The following PRDX4 variants were observed in gnomAD, a reference collection of about 807,000 sequenced individuals.
PRDX4 encodes peroxiredoxin-4.
In PRDX4, 12 loss-of-function variants were observed where a neutral mutation model predicts 20.5. That is an observed-to-expected ratio of 0.58 (90% CI 0.37 to 0.95). PRDX4 has a LOEUF of 0.95. Ranked by LOEUF, PRDX4 falls within the 40% of genes least tolerant of loss-of-function variation. The pLI is 0.01. For missense variants in PRDX4, 180 were observed against 207.3 expected (o/e 0.87, Z 0.81); for synonymous variants, 99 against 87.5 (o/e 1.13, Z -0.73).
Position 23,671,251 on chromosome X carries a change from T to C in PRDX4, c.242-278T>C, listed in dbSNP as rs1360371582. The C allele has an allele frequency of 5.4e-5, 12 of 222,374 alleles. No homozygotes were observed. In the East Asian group the frequency reaches 1.1e-3, roughly 21 times the overall value. 18.3% of individuals were successfully genotyped at this position (222,374 alleles called of 1,213,427 possible). On this transcript the variant is annotated intron_variant, in intron 1 of 6. Transcript: ENST00000379341. ...GTAGTTGTCAGATTACAACTAGATC[T>C]TGCAGTTTTGAAGTGTTATAGAGCA...
At chrX:23,670,466 ATGT>A (rs1408036293) in intron 1 of PRDX4, among the ~76,000 whole-genome samples, 1 of 111,880 alleles carries the variant, frequency 8.9e-6, no homozygotes, top group East Asian at 2.8e-4. Flanking sequence ...AGAGAAATTC[ATGT>A]TGTTTGTCTC....
intron 1 of PRDX4, among the ~76,000 whole-genome samples, chrX:23,668,857 T>C (rs974401985): frequency 1.8e-5 from 2 of 111,560 alleles, no homozygotes; most frequent in Non-Finnish European, 3.8e-5. Context: ...TTTTGTCCTC[T>C]TAAACATTTA....
rs180925189 is a variant in PRDX4 at position 23,672,571 on chromosome X, G to A, written c.359+925G>A. On this transcript the variant is annotated intron_variant, in intron 2 of 6. Coordinates refer to ENST00000379341, the MANE Select transcript of PRDX4 (RefSeq NM_006406.2). Reference sequence around the variant, plus strand: ...ATTTTATTTTACAAAACACTATTTTGAGTGTTTTTCAAAATTCATGAAAGT... The same window carrying A: ...ATTTTATTTTACAAAACACTATTTTAAGTGTTTTTCAAAATTCATGAAAGT... Among the ~76,000 whole-genome samples, 27 of 111,992 alleles carry A rather than the reference G, an allele frequency of 2.4e-4. No homozygotes were observed. The East Asian group carries it at 7.2e-3, about 30-fold the overall frequency.
At chrX:23,683,782 C>T (rs1440071051) in intron 6 of PRDX4, 77 bp downstream of exon 6, 11 of 882,965 alleles carry the variant, frequency 1.2e-5, no homozygotes, top group South Asian at 9.6e-5. Flanking sequence ...CAGTGGCTCA[C>T]GCCTGTAATC....
At position 23,682,431 on chromosome X, in the gene PRDX4, G is replaced by C; in HGVS notation, c.635G>C (p.Arg212Thr). 1 of 1,178,394 alleles carries C rather than the reference G, an allele frequency of 8.5e-7. No individual in the cohort carries two copies. Among genetic ancestry groups the C allele is most frequent in the East Asian group, 3.1e-5 (1 of 32,146 alleles). Residue 212 changes from arginine to threonine, a missense_variant, in exon 5 of 7, where the codon AGA becomes ACA. By Grantham distance (71) the Arg-to-Thr change is moderately conservative. Coordinates refer to ENST00000379341, the MANE Select transcript of PRDX4 (RefSeq NM_006406.2). ...LFIIDDKGIL[R>T]QITLNDLPVG... The stretch of plus-strand genomic sequence containing the variant: ...ATTATTGATGACAAAGGAATCCTAA[G>C]ACAAATTACTCTGAATGATCTTCCT...
intron 2 of PRDX4, 36 bp from the exon 3 acceptor site, chrX:23,674,954 G>T: frequency 8.4e-7 from 1 of 1,191,888 alleles, no homozygotes. Context: ...TGCTTATTTG[G>T]AGAATACTGA....
Position 23,686,316 on chromosome X carries a change from A to G in PRDX4, c.797A>G (p.Tyr266Cys). ...IIPDPAGKLK[Y>C]FDKLN is the part of the protein sequence containing the mutation. ...CCAGATCCAGCTGGAAAGCTGAAGT[A>G]TTTCGATAAACTGAATTGAGAAATA... The change falls in exon 7 of 7, where the codon TAT becomes TGT. Residue 266 changes from tyrosine (Y) to cysteine (C), a missense_variant. This residue lies in a region of PRDX4 where 73 missense variants were observed against 76.5 expected (regional missense o/e 0.95). Coordinates refer to ENST00000379341, the MANE Select transcript of PRDX4 (RefSeq NM_006406.2). 8.5e-7 allele frequency: 1 copy of G among 1,175,706 alleles called. No homozygotes were observed. Among genetic ancestry groups the G allele is most frequent in the Non-Finnish European group, 1.1e-6 (1 of 875,419 alleles).
In PRDX4 at chrX:23,671,255, A is replaced by G. The variant is rs188357952; in HGVS notation, c.242-274A>G. 6 of 224,500 alleles carry G rather than the reference A, an allele frequency of 2.7e-5. No individual in the cohort carries two copies. The East Asian group carries it at 5.5e-4, about 20-fold the overall frequency. The allele number at this position is 224,500 out of a possible 1,213,427, so 18.5% of individuals were successfully genotyped here. On this transcript the variant is annotated intron_variant, in intron 1 of 6. Transcript: ENST00000379341. Reference sequence around the variant, plus strand: ...TTGTCAGATTACAACTAGATCTTGCAGTTTTGAAGTGTTATAGAGCACATG... The same window carrying G: ...TTGTCAGATTACAACTAGATCTTGCGGTTTTGAAGTGTTATAGAGCACATG...
At chrX:23,682,671 T>C (rs1928094755) in intron 5 of PRDX4, 145 bp downstream of exon 5, 1 of 399,102 alleles carries the variant, frequency 2.5e-6, no homozygotes, top group Non-Finnish European at 3.6e-6. Context: ...GACCAAATTA[T>C]AATTTACAGT....
chrX:23,667,562 C>A lies in PRDX4; in HGVS notation c.-9C>A. ...GCGCCAAGGGACGTGTTTCTGCGCT[C>A]GCGTGGTCATGGAGGCGCTGCCGCT... On this transcript the variant is annotated 5_prime_UTR_variant, in exon 1 of 7. Coordinates refer to ENST00000379341, the MANE Select transcript of PRDX4 (RefSeq NM_006406.2). 1 of 1,177,991 alleles carries A rather than the reference C, an allele frequency of 8.5e-7. No individual in the cohort carries two copies. The highest frequency in any genetic ancestry group is 1.1e-6 in the Non-Finnish European group (1 of 879,153).
At chrX:23,680,107 G>A (rs1199429971) in intron 4 of PRDX4, among the ~76,000 whole-genome samples, 1 of 112,504 alleles carries the variant, frequency 8.9e-6, no homozygotes, top group Non-Finnish European at 1.9e-5. Context: ...TTTAGAGCTG[G>A]AAGATTATTT....
intron 3 of PRDX4, among the ~76,000 whole-genome samples, chrX:23,676,933 G>A (rs1927961817): frequency 9.0e-6 from 1 of 111,120 alleles, no homozygotes; most frequent in Admixed American, 9.7e-5. Flanking sequence ...TTGAACTCCT[G>A]GGCTCCAACA....
At position 23,667,694 on chromosome X, in the gene PRDX4, G is replaced by A; in HGVS notation, c.124G>A (p.Glu42Lys). 3.3e-6 allele frequency: 4 copies of A among 1,211,503 alleles called. No homozygotes were observed. The Admixed American group carries it at 8.7e-5, about 26-fold the overall frequency. Reference sequence around the variant, plus strand: ...AGCTGTGCAGGGCTGGGAGACAGAGGAGAGGCCCCGGACTCGCGAAGAGGA... The same window carrying A: ...AGCTGTGCAGGGCTGGGAGACAGAGAAGAGGCCCCGGACTCGCGAAGAGGA... Reference protein sequence around the residue: ...AGAVQGWETEERPRTREEECH... With the variant: ...AGAVQGWETEKRPRTREEECH... The change falls in exon 1 of 7, where the codon GAG becomes AAG. Residue 42 changes from glutamate (E) to lysine (K), a missense_variant. Coordinates refer to ENST00000379341, the MANE Select transcript of PRDX4 (RefSeq NM_006406.2).
At chrX:23,670,092 T>C (rs1927816391) in intron 1 of PRDX4, among the ~76,000 whole-genome samples, 1 of 111,436 alleles carries the variant, frequency 9.0e-6, no homozygotes, top group African/African-American at 3.3e-5. Context: ...TTCAAGACAA[T>C]TTTTGTTTTT....
intron 4 of PRDX4, among the ~76,000 whole-genome samples, 172 bp from the exon 5 acceptor site, chrX:23,682,224 G>A (rs1283752892): frequency 6.1e-5 from 5 of 81,995 alleles, no homozygotes; most frequent in Non-Finnish European, 1.2e-4. Flanking sequence ...TTGAGGGAGG[G>A]ATGTCCACAG....
At chrX:23,681,816 A>C (rs775729392) in intron 4 of PRDX4, among the ~76,000 whole-genome samples, 1 of 112,178 alleles carries the variant, frequency 8.9e-6, no homozygotes, top group South Asian at 3.7e-4. Flanking sequence ...CGAGGCAGGT[A>C]GATTGCTCAA....
At chrX:23,672,460 C>T (rs776987865) in intron 2 of PRDX4, among the ~76,000 whole-genome samples, 1 of 111,501 alleles carries the variant, frequency 9.0e-6, no homozygotes, top group African/African-American at 3.3e-5. Flanking sequence ...CTTTTTTTAA[C>T]TCTGTGACAG....
In PRDX4 at chrX:23,667,807, G is replaced by A. The variant is rs1340649726; in HGVS notation, c.237G>A (p.Ala79=). The A allele has an allele frequency of 2.1e-5, 25 of 1,209,254 alleles. No individual in the cohort carries two copies. The highest frequency in any genetic ancestry group is 3.5e-5 in the African/African-American group (2 of 57,147). ...ACCACTCCCTGCACCTAAGCAAAGC[G>A]AAGAGTAGGTGGTGTCCCGCCAAAG... The part of the protein sequence containing the change: ...VADHSLHLSK[A]KISKPAPYWE... The change falls in exon 1 of 7, where the codon GCG becomes GCA. Residue 79 remains alanine (A), a synonymous_variant. Transcript: ENST00000379341.
chrX:23,673,472 G>T (rs1270248448), intron 2 of PRDX4, among the ~76,000 whole-genome samples: 2 of 112,714 alleles, frequency 1.8e-5, no homozygotes, highest in Non-Finnish European at 3.7e-5. Context: ...AAAGGCAGAG[G>T]CTGGGTGCAG....
Sources: gnomAD v4.1 joint callset for allele counts (sites outside exome capture counted in the v4.1 genomes callset) on GRCh38, gnomAD v4.1.1 for gene constraint, gnomAD v4.1.1 regional missense constraint, MANE v1.5 for transcripts, NCBI Gene and HGNC (gene_info 2026-07-23, HGNC 2026-07-21) for gene names.